TRPM3: variants seen among roughly 807,000 people sequenced by gnomAD.
The protein encoded by TRPM3 is transient receptor potential cation channel subfamily M member 3.
Under a neutral mutation model 181.2 loss-of-function variants are expected in TRPM3, and 77 were observed. The observed-to-expected ratio is 0.42, with a 90% CI of 0.35 to 0.51. TRPM3 has a LOEUF of 0.51. Among genes scored for constraint, TRPM3 ranks in the 20% least tolerant of loss-of-function variants. The pLI is 0.01. For synonymous variants in TRPM3, 745 were observed against 796.4 expected (o/e 0.94, Z 1.09); for missense variants, 1,759 against 2,196.7 (o/e 0.80, Z 3.98).
At chr9:71,319,836 A>C (rs557961988) in intron 1 of TRPM3, among the ~76,000 whole-genome samples, 2 of 152,224 alleles carry the variant, frequency 1.3e-5, no homozygotes, top group Admixed American at 1.3e-4. Context: ...TGGGAAGGAA[A>C]TTTTGAGAGA....
rs935571765 is a variant in TRPM3, at chr9:70,621,381, T to C, written c.1810-108A>G. The C allele has an allele frequency of 6.5e-6, 5 of 763,920 alleles. No individual in the cohort carries two copies. The African/African-American group carries it at 9.2e-5, about 14-fold the overall frequency. 47.3% of individuals were successfully genotyped at this position (763,920 alleles called of 1,614,324 possible). ...TTTGTTTTGTTTTGTTTTGTTTTTATTGAGACAAGGTCTCACTTTGTCACC... is the reference window on the plus strand; with the variant it reads ...TTTGTTTTGTTTTGTTTTGTTTTTACTGAGACAAGGTCTCACTTTGTCACC... On this transcript the variant is annotated intron_variant, in intron 14 of 25. Transcript: ENST00000677713.
intron 1 of TRPM3, among the ~76,000 whole-genome samples, chr9:71,179,175 GAAT>G (rs1373830783): frequency 5.3e-5 from 8 of 152,108 alleles, no homozygotes; most frequent in African/African-American, 1.9e-4. Flanking sequence ...AACTGAAACA[GAAT>G]AATTTGATGT....
intron 22 of TRPM3, among the ~76,000 whole-genome samples, chr9:70,582,181 C>CGTGTGTGTGTGTGTGTGT (rs3073501): frequency 6.7e-6 from 1 of 149,154 alleles, no homozygotes; most frequent in Non-Finnish European, 1.5e-5. Context: ...CCACCCTGTG[C>CGTGTGTGTGTGTGTGTGT]GTGTGTGTGT....
rs74727805 is a variant in TRPM3, at chr9:71,169,100, T to A, written c.183+277553A>T. 3.0e-4 allele frequency among the ~76,000 whole-genome samples: 46 copies of A among 152,332 alleles called. No homozygotes were observed. The East Asian group carries it at 8.5e-3, about 28-fold the overall frequency. ...TGTGGTCTACTAGGGAGTGGTTACC[T>A]GTATAAATAAAGTCATCATTGCTAA... On this transcript the variant is annotated intron_variant, in intron 1 of 24. Coordinates refer to the TRPM3 transcript ENST00000357533.
intron 1 of TRPM3, among the ~76,000 whole-genome samples, chr9:71,270,801 A>G (rs564200018): frequency 1.3e-5 from 2 of 152,308 alleles, no homozygotes; most frequent in South Asian, 2.1e-4. Flanking sequence ...CATAAAATAT[A>G]TTGCTGCTCT....
intron 9 of TRPM3, among the ~76,000 whole-genome samples, chr9:70,644,229 A>G (rs2058482176): frequency 6.6e-6 from 1 of 152,186 alleles, no homozygotes; most frequent in African/African-American, 2.4e-5. Flanking sequence ...CATGAACAGC[A>G]TACTTTCAGA....
At chr9:71,332,923 T>A (rs1484521252) in intron 1 of TRPM3, among the ~76,000 whole-genome samples, 1 of 151,900 alleles carries the variant, frequency 6.6e-6, no homozygotes, top group Non-Finnish European at 1.5e-5. Flanking sequence ...AATATCCATG[T>A]CAATAAAGTT....
intron 1 of TRPM3, among the ~76,000 whole-genome samples, chr9:70,939,506 T>A (rs1406743142): frequency 1.3e-5 from 2 of 152,230 alleles, no homozygotes; most frequent in Non-Finnish European, 2.9e-5. Flanking sequence ...AAGATTTACC[T>A]TAATGCTTCA....
At chr9:70,901,335 T>C (rs2096383279) in intron 1 of TRPM3, among the ~76,000 whole-genome samples, 1 of 152,220 alleles carries the variant, frequency 6.6e-6, no homozygotes, top group Non-Finnish European at 1.5e-5. Context: ...GAAACCTCCC[T>C]TGAGGAAGCT....
intron 1 of TRPM3, among the ~76,000 whole-genome samples, chr9:71,370,839 A>C (rs2092486617): frequency 6.6e-6 from 1 of 152,218 alleles, no homozygotes; most frequent in South Asian, 2.1e-4. Flanking sequence ...AATTCTTCAA[A>C]GTTTCAAAAG....
At chr9:71,387,050 TATAAGA>T (rs1289303446) in intron 1 of TRPM3, among the ~76,000 whole-genome samples, 1 of 152,214 alleles carries the variant, frequency 6.6e-6, no homozygotes, top group African/African-American at 2.4e-5. Flanking sequence ...TTATCTAACA[TATAAGA>T]ATAAGTTAGG....
At position 70,598,590 on chromosome 9, in the gene TRPM3, G is replaced by C; in HGVS notation, c.2877C>G (p.Ile959Met). The C allele has an allele frequency of 6.2e-7, 1 of 1,614,172 alleles. No individual in the cohort carries two copies. The highest frequency in any genetic ancestry group is 8.5e-7 in the Non-Finnish European group (1 of 1,180,010). The change falls in exon 21 of 26, where the codon ATC becomes ATG. Residue 959 changes from isoleucine (I) to methionine (M), a missense_variant. Coordinates refer to ENST00000677713, the MANE Select transcript of TRPM3 (RefSeq NM_001366145.2). The part of the protein sequence containing the change: ...LQEYWNVTDL[I>M]AILLFSVGMI... Reference sequence around the variant, plus strand: ...TTCCGACAGAAAACAGAAGGATGGCGATGAGGTCCGTGACATTCCAGTACT... The same window carrying C: ...TTCCGACAGAAAACAGAAGGATGGCCATGAGGTCCGTGACATTCCAGTACT...
chr9:71,064,365 A>G (rs1478426376), intron 1 of TRPM3, among the ~76,000 whole-genome samples: 1 of 151,686 alleles, frequency 6.6e-6, no homozygotes, highest in Non-Finnish European at 1.5e-5. Flanking sequence ...GTAAATCTAG[A>G]CGTACTTTAA....
intron 1 of TRPM3, among the ~76,000 whole-genome samples, chr9:71,104,731 T>C (rs956437655): frequency 6.6e-6 from 1 of 152,186 alleles, no homozygotes; most frequent in Non-Finnish European, 1.5e-5. Context: ...GGTATTTCTG[T>C]ATGAGAAATT....
At chr9:70,656,250 T>C (rs996511093) in intron 9 of TRPM3, among the ~76,000 whole-genome samples, 1 of 152,194 alleles carries the variant, frequency 6.6e-6, no homozygotes, top group African/African-American at 2.4e-5. Flanking sequence ...TAAAAAACTA[T>C]AAACCCAGCC....
At chr9:70,576,808 C>T (rs1007622662) in intron 22 of TRPM3, among the ~76,000 whole-genome samples, 7 of 152,192 alleles carry the variant, frequency 4.6e-5, no homozygotes, top group African/African-American at 1.2e-4. Context: ...CCACCACACC[C>T]GGCCGCTGCT....
chr9:70,552,397 G>C (rs1348551452), intron 24 of TRPM3, among the ~76,000 whole-genome samples: 1 of 152,144 alleles, frequency 6.6e-6, no homozygotes, highest in Non-Finnish European at 1.5e-5. Context: ...CTTCTCATGA[G>C]GCAATCTAGG....
chr9:71,237,044 C>CAAAAAAAAAAA (rs33929941), intron 1 of TRPM3, among the ~76,000 whole-genome samples: 1 of 92,748 alleles, frequency 1.1e-5, no homozygotes, highest in African/African-American at 4.4e-5. Context: ...AAGACTCCAT[C>CAAAAAAAAAAA]AAAAAAAAAA....
At chr9:71,031,279 G>A (rs1314445484) in intron 1 of TRPM3, among the ~76,000 whole-genome samples, 3 of 152,176 alleles carry the variant, frequency 2.0e-5, no homozygotes, top group Non-Finnish European at 4.4e-5. Context: ...GACCAACATG[G>A]TCTCTGCCCT....
Sources: gnomAD v4.1 joint callset for allele counts (sites outside exome capture counted in the v4.1 genomes callset) on GRCh38, gnomAD v4.1.1 for gene constraint, MANE v1.5 for transcripts, NCBI Gene and HGNC (gene_info 2026-07-23, HGNC 2026-07-21) for gene names.